Variants in RNLS observed in about 807,000 individuals in gnomAD.
RNLS encodes renalase, FAD dependent amine oxidase.
In RNLS, 39 loss-of-function variants were observed where a neutral mutation model predicts 39.8. That is an observed-to-expected ratio of 0.98 (90% CI 0.76 to 1.28). The LOEUF (loss-of-function observed/expected upper bound fraction) is 1.28. Ranked by LOEUF, RNLS falls within the 50% of genes most tolerant of loss-of-function variation. The probability of loss-of-function intolerance (pLI) is 0.00; values close to 1 mark genes in which losing one functional copy is unlikely to be tolerated. For missense variants in RNLS, 410 were observed against 413.3 expected (o/e 0.99, Z 0.07); for synonymous variants, 147 against 150.7 (o/e 0.98, Z 0.18).
At chr10:88,372,534 A>G (rs1850649133) in intron 4 of RNLS, among the ~76,000 whole-genome samples, 1 of 152,130 alleles carries the variant, frequency 6.6e-6, no homozygotes. Context: ...CCGAAATGAC[A>G]TTCAGTCGTT....
chr10:88,554,197 GCATGT>G (rs1178584428), intron 4 of RNLS, among the ~76,000 whole-genome samples: 2 of 151,808 alleles, frequency 1.3e-5, no homozygotes, highest in Non-Finnish European at 2.9e-5. Context: ...CTGAACTTGG[GCATGT>G]TATTCTATGT....
chr10:88,352,480 C>G lies in RNLS; in HGVS notation c.700+10072G>C, dbSNP rs1202486355. Among the ~76,000 whole-genome samples the G allele has an allele frequency of 5.9e-5, 9 of 152,302 alleles. No individual in the cohort carries two copies. In the South Asian group the frequency reaches 6.2e-4, roughly 11 times the overall value. On this transcript the variant is annotated intron_variant, in intron 5 of 6. Transcript: ENST00000331772. ...AATCCTGTGGCTTTTGTCTTTGGTTCTGTTTACATGCTGGATTACGTTTAT... is the reference window on the plus strand; with the variant it reads ...AATCCTGTGGCTTTTGTCTTTGGTTGTGTTTACATGCTGGATTACGTTTAT...
At chr10:88,278,910 T>C (rs966201008) in intron 6 of RNLS, among the ~76,000 whole-genome samples, 6 of 152,222 alleles carry the variant, frequency 3.9e-5, no homozygotes, top group African/African-American at 1.4e-4. Flanking sequence ...TAAAAAAAGT[T>C]AATTAGTTAA....
intron 4 of RNLS, among the ~76,000 whole-genome samples, chr10:88,436,369 C>G (rs187735247): frequency 1.3e-3 from 198 of 152,260 alleles, no homozygotes; most frequent in Non-Finnish European, 2.3e-3. Context: ...CATATTGCTA[C>G]TTTCAATCAG....
intron 4 of RNLS, among the ~76,000 whole-genome samples, chr10:88,526,821 C>T (rs893414882): frequency 6.6e-6 from 1 of 151,616 alleles, no homozygotes; most frequent in Admixed American, 6.6e-5. Context: ...CTGCCCTTCA[C>T]TAAAGAAAGC....
intron 4 of RNLS, among the ~76,000 whole-genome samples, chr10:88,401,651 AT>A (rs1852925442): frequency 6.6e-6 from 1 of 151,966 alleles, no homozygotes; most frequent in Admixed American, 6.6e-5. Flanking sequence ...TTTGTTGTTG[AT>A]TTGCTTATTT....
chr10:88,416,895 C>T (rs1456759136), intron 4 of RNLS, among the ~76,000 whole-genome samples: 1 of 152,192 alleles, frequency 6.6e-6, no homozygotes, highest in Non-Finnish European at 1.5e-5. Context: ...GATCTCTTCC[C>T]ACTTAACATC....
At chr10:88,444,219 G>T (rs541082707) in intron 4 of RNLS, among the ~76,000 whole-genome samples, 22 of 152,328 alleles carry the variant, frequency 1.4e-4, no homozygotes, top group South Asian at 6.2e-4. Context: ...AGGGTCTGGA[G>T]TGGACCTCTA....
intron 4 of RNLS, among the ~76,000 whole-genome samples, chr10:88,553,408 C>A (rs1404103663): frequency 6.6e-6 from 1 of 152,160 alleles, no homozygotes; most frequent in Non-Finnish European, 1.5e-5. Context: ...CAGGTCCCCA[C>A]TTGGCCTCAA....
intron 4 of RNLS, among the ~76,000 whole-genome samples, chr10:88,382,056 TA>T (rs1851547253): frequency 6.6e-6 from 1 of 152,138 alleles, no homozygotes; most frequent in Admixed American, 6.5e-5. Flanking sequence ...AGTTGTGACA[TA>T]TTGACTGTAT....
intron 4 of RNLS, among the ~76,000 whole-genome samples, chr10:88,562,748 G>C (rs1245914912): frequency 6.6e-6 from 1 of 151,860 alleles, no homozygotes; most frequent in East Asian, 1.9e-4. Flanking sequence ...AATGTAAAAG[G>C]GTTGAACTCA....
At chr10:88,193,005 C>T in the RNLS span, among the ~76,000 whole-genome samples, 22 of 152,146 alleles carry the variant, frequency 1.4e-4, no homozygotes, top group African/African-American at 5.1e-4. Context: ...TTCCTGACAT[C>T]GAAGTATAGT....
At chr10:88,252,507 G>T in the RNLS span, among the ~76,000 whole-genome samples, 1 of 152,168 alleles carries the variant, frequency 6.6e-6, no homozygotes, top group Non-Finnish European at 1.5e-5. Flanking sequence ...TGGCCAGAGG[G>T]GCTAGGGGCT....
chr10:88,576,247 T>C (rs1850201643), intron 3 of RNLS, among the ~76,000 whole-genome samples: 1 of 152,184 alleles, frequency 6.6e-6, no homozygotes, highest in Admixed American at 6.6e-5. Flanking sequence ...ATACTCTACA[T>C]TAACAGAGGC....
chr10:88,223,749 G>A, the RNLS span, among the ~76,000 whole-genome samples: 1 of 152,134 alleles, frequency 6.6e-6, no homozygotes, highest in African/African-American at 2.4e-5. Flanking sequence ...GCATACAGTA[G>A]GCCCATTTAT....
At chr10:88,504,844 A>AGTGT (rs34411833) in intron 4 of RNLS, among the ~76,000 whole-genome samples, 24,099 of 136,062 alleles carry the variant, frequency 0.18, 2,423 homozygotes, top group African/African-American at 0.3. Flanking sequence ...AGAGAGACAG[A>AGTGT]GTGTGTGTGT....
intron 4 of RNLS, among the ~76,000 whole-genome samples, chr10:88,540,990 C>CCA (rs1848007795): frequency 7.6e-6 from 1 of 131,964 alleles, no homozygotes; most frequent in African/African-American, 2.7e-5. Context: ...TCCTTACTGC[C>CCA]AAAAAAAAAA....
At chr10:88,482,609 A>G (rs1844256211) in intron 4 of RNLS, among the ~76,000 whole-genome samples, 1 of 152,108 alleles carries the variant, frequency 6.6e-6, no homozygotes, top group African/African-American at 2.4e-5. Context: ...GAACATGCTT[A>G]TAATAGCTGC....
At chr10:88,480,430 CT>C (rs974482117) in intron 4 of RNLS, among the ~76,000 whole-genome samples, 1 of 152,040 alleles carries the variant, frequency 6.6e-6, no homozygotes, top group Non-Finnish European at 1.5e-5. Flanking sequence ...TCATACTTTT[CT>C]TTTTTTTGAG....
Sources: gnomAD v4.1 joint callset for allele counts (sites outside exome capture counted in the v4.1 genomes callset) on GRCh38, gnomAD v4.1.1 for gene constraint, MANE v1.5 for transcripts, NCBI Gene and HGNC (gene_info 2026-07-23, HGNC 2026-07-21) for gene names.